AVIL: variants seen among roughly 807,000 people sequenced by gnomAD.
AVIL encodes the protein advillin.
Under a neutral mutation model 109.9 loss-of-function variants are expected in AVIL, and 78 were observed. That is an observed-to-expected ratio of 0.71 (90% CI 0.59 to 0.86). The LOEUF (loss-of-function observed/expected upper bound fraction) is 0.86. Among genes scored for constraint, AVIL ranks in the 40% least tolerant of loss-of-function variants. AVIL has a pLI of 0.00. For missense variants in AVIL, 892 were observed against 1,016.5 expected, an observed-to-expected ratio of 0.88 and a Z score of 1.67; for synonymous variants, 367 against 379.1, an observed-to-expected ratio of 0.97 and a Z score of 0.37.
At chr12:57,816,750 A>C (rs1349073824) in intron 1 of AVIL, among the ~76,000 whole-genome samples, 1 of 147,204 alleles carries the variant, frequency 6.8e-6, no homozygotes, top group African/African-American at 2.5e-5. Flanking sequence ...TTAAACTCAA[A>C]CAACCCTTCC....
At chr12:57,805,602 C>T (rs1354728360) in intron 14 of AVIL, among the ~76,000 whole-genome samples, 3 of 151,076 alleles carry the variant, frequency 2.0e-5, no homozygotes, top group Non-Finnish European at 4.4e-5. Flanking sequence ...GGCGCGATCT[C>T]GGCTCACCGC....
chr12:57,810,290 C>T (rs1956017715), intron 7 of AVIL, 59 bp downstream of exon 7: 3 of 1,576,666 alleles, frequency 1.9e-6, no homozygotes, highest in Non-Finnish European at 2.6e-6. Flanking sequence ...GGCTGGTGTT[C>T]TAGGGGACAC....
intron 17 of AVIL, 29 bp from the exon 18 acceptor site, chr12:57,801,241 T>G: frequency 1.9e-6 from 3 of 1,597,102 alleles, no homozygotes; most frequent in Non-Finnish European, 2.6e-6. Context: ...AAACACAGGA[T>G]GAGGTCTTTC....
At position 57,807,668 on chromosome 12, in the gene AVIL, AAAG is replaced by A. The variant is rs772449039; in HGVS notation, c.1251_1253del (p.Phe418del). 9.9e-6 allele frequency: 16 copies of A among 1,613,978 alleles called. No homozygotes were observed. The highest frequency in any genetic ancestry group is 1.4e-5 in the Non-Finnish European group (16 of 1,180,036). ...GGACCAGATAACAGTCTCCCCCATA[AAAG>A]AAGCCATACCATTGATACTCCACAG... On this transcript the variant is annotated inframe_deletion, in exon 12 of 20. Transcript: ENST00000549994.
intron 5 of AVIL, 22 bp from the exon 6 acceptor site, chr12:57,810,948 T>C (rs916750801): frequency 1.9e-6 from 3 of 1,613,996 alleles, no homozygotes; most frequent in Admixed American, 1.7e-5. Flanking sequence ...AGGTAAACAT[T>C]GTTCAGGAGG....
chr12:57,803,404 C>G lies in AVIL; in HGVS notation c.1818-13G>C. 6.2e-7 allele frequency: 1 copy of G among 1,614,104 alleles called. No individual in the cohort carries two copies. Among genetic ancestry groups the G allele is most frequent in the Non-Finnish European group, 8.5e-7 (1 of 1,180,018 alleles). Reference sequence around the variant, plus strand: ...TTCCTGCTGAAGTCTGCAATATAGTCCATTTAAGGGCATCAAGCTGCTTAG... The same window carrying G: ...TTCCTGCTGAAGTCTGCAATATAGTGCATTTAAGGGCATCAAGCTGCTTAG... On this transcript the variant is annotated splice_polypyrimidine_tract_variant and intron_variant, in intron 15 of 19. Coordinates refer to ENST00000549994, the MANE Select transcript of AVIL (RefSeq NM_006576.4).
Position 57,806,559 on chromosome 12 carries a change from A to G in AVIL, c.1492-20T>C, listed in dbSNP as rs1955950667. 5.6e-6 allele frequency: 9 copies of G among 1,613,450 alleles called. No homozygotes were observed. The highest frequency in any genetic ancestry group is 6.8e-6 in the Non-Finnish European group (8 of 1,179,672). ...CCCACCCTAGAGAGAAGAAAAGCAGAGTCCAGATCTAAGGAGCACCATGTG... is the reference window on the plus strand; with the variant it reads ...CCCACCCTAGAGAGAAGAAAAGCAGGGTCCAGATCTAAGGAGCACCATGTG... On this transcript the variant is annotated intron_variant, in intron 13 of 19. Transcript: ENST00000549994.
In AVIL at chr12:57,810,541, A is replaced by G. The variant is rs2140455257; in HGVS notation, c.569T>C (p.Leu190Pro). 1 of 1,613,548 alleles carries G rather than the reference A, an allele frequency of 6.2e-7. No homozygotes were observed. The highest frequency in any genetic ancestry group is 8.5e-7 in the Non-Finnish European group (1 of 1,180,026). ...CTCCCTGTCTCGAATATCCTTTGCC[A>G]GAAGCATAGCCTGTCAAAGAAGCCC... ...NSGERLKAML[L>P]AKDIRDRERG... is the part of the protein sequence containing the mutation. The change falls in exon 7 of 20, where the codon CTG (leucine) becomes CCG (proline). Residue 190 changes from leucine (L) to proline (P), a missense_variant. By Grantham distance (98) the Leu-to-Pro change is moderately conservative. Transcript: ENST00000549994.
rs931698505 is a variant in AVIL at position 57,809,686 on chromosome 12, T to C, written c.850A>G (p.Ile284Val). 2 of 1,614,200 alleles carry C rather than the reference T, an allele frequency of 1.2e-6. No individual in the cohort carries two copies. The highest frequency in any genetic ancestry group is 8.5e-7 in the Non-Finnish European group (1 of 1,180,048). Residue 284 changes from isoleucine to valine, a missense_variant, in exon 9 of 20, where the codon ATC becomes GTC. Transcript: ENST00000549994. Reference protein sequence around the residue: ...QDLLNHDDCYILDQSGTKIYV... With the variant: ...QDLLNHDDCYVLDQSGTKIYV... ...ATTTTGGTTCCACTTTGGTCCAGGA[T>C]GTAGCAGTCCTAAAGCAGCCAGAGA... is the stretch of plus-strand genomic sequence containing the variant.
At chr12:57,813,487 G>T (rs1005001319) in intron 3 of AVIL, 64 bp from the exon 4 acceptor site, 1 of 1,491,522 alleles carries the variant, frequency 6.7e-7, no homozygotes, top group East Asian at 2.3e-5. Context: ...GCTGGCCCCT[G>T]TTATGGGGAG....
At chr12:57,814,954 T>C (rs961243340) in intron 2 of AVIL, 4 of 152,326 alleles carry the variant, frequency 2.6e-5, no homozygotes, top group South Asian at 2.1e-4. Context: ...TTTTTTGTTT[T>C]TGTTTTTGTT....
chr12:57,812,550 C>T (rs758842109), intron 4 of AVIL, among the ~76,000 whole-genome samples: 11 of 151,560 alleles, frequency 7.3e-5, no homozygotes, highest in Non-Finnish European at 1.5e-4. Flanking sequence ...TTAGTAGAGA[C>T]GGGGTTTCAC....
At chr12:57,811,350 AC>A (rs1956035877) in intron 4 of AVIL, among the ~76,000 whole-genome samples, 1 of 152,266 alleles carries the variant, frequency 6.6e-6, no homozygotes, top group African/African-American at 2.4e-5. Context: ...GAACTGAGAT[AC>A]TACAAGGAAA....
At chr12:57,809,484 T>A (rs936297659) in intron 9 of AVIL, 113 bp downstream of exon 9, 1 of 1,242,004 alleles carries the variant, frequency 8.1e-7, no homozygotes, top group Admixed American at 2.0e-5. Context: ...GCAGTCCATG[T>A]ACGTAAGCAC....
chr12:57,810,828 C>T lies in AVIL; in HGVS notation c.546G>A (p.Gly182=). ...IQWNGPESNS[G]ERLKAMLLAK... ...TAGGAAGCCATACCTTCAGGCGCTC[C>T]CCACTGTTGCTCTCTGGGCCATTCC... is the stretch of plus-strand genomic sequence containing the variant. The change falls in exon 6 of 20, where the codon GGG becomes GGA. Residue 182 remains glycine, a synonymous_variant. Transcript: ENST00000549994. 1 of 1,614,134 alleles carries T rather than the reference C, an allele frequency of 6.2e-7. No homozygotes were observed. Among genetic ancestry groups the T allele is most frequent in the Non-Finnish European group, 8.5e-7 (1 of 1,179,994 alleles).
chr12:57,818,415 T>C (rs1420247594), intron 1 of AVIL, among the ~76,000 whole-genome samples: 2 of 152,010 alleles, frequency 1.3e-5, no homozygotes, highest in African/African-American at 2.4e-5. Flanking sequence ...GGTCTGTCTT[T>C]CCCAGCTTTT....
chr12:57,806,156 T>TTA lies in AVIL; in HGVS notation c.1671+203_1671+204insTA, dbSNP rs1555207131. 6.7e-4 allele frequency: 195 copies of TTA among 292,502 alleles called. 1 individual carries two copies. The highest frequency in any genetic ancestry group is 4.0e-3 in the African/African-American group (179 of 44,570). 18.1% of individuals were successfully genotyped at this position (292,502 alleles called of 1,614,324 possible). A position where few individuals can be genotyped will look rare whatever the true frequency, so the allele number is the denominator to read the frequency against. On this transcript the variant is annotated intron_variant, in intron 14 of 19. Transcript: ENST00000549994. ...AGCTTTTTTTTTTTTTTTTTTTTTTTAATATCAAACGCTTCATGAATTTGC... is the reference window on the plus strand; with the variant it reads ...AGCTTTTTTTTTTTTTTTTTTTTTTTTAAATATCAAACGCTTCATGAATTTGC...
chr12:57,815,765 C>T (rs897183124), intron 2 of AVIL: 9 of 1,451,584 alleles, frequency 6.2e-6, no homozygotes, highest in East Asian at 2.6e-5. Flanking sequence ...CCCTGTTCTT[C>T]GGGGCTGAAC....
intron 14 of AVIL, 107 bp downstream of exon 14, chr12:57,806,253 G>T: frequency 1.6e-6 from 2 of 1,250,844 alleles, no homozygotes; most frequent in South Asian, 1.2e-5. Context: ...TGCTGCCAAA[G>T]CAAGCACTCC....
Sources: allele counts gnomAD v4.1 joint callset (sites outside exome capture counted in the v4.1 genomes callset), GRCh38; gene constraint gnomAD v4.1.1; transcripts MANE v1.5; gene names NCBI Gene and HGNC (gene_info 2026-07-23, HGNC 2026-07-21).